The following ZNF682 variants were observed in gnomAD, a reference collection of about 807,000 sequenced individuals.
ZNF682 encodes zinc finger protein 682.
In ZNF682, 29 loss-of-function variants were observed where a neutral mutation model predicts 36.5. The observed-to-expected ratio is 0.80, with a 90% CI of 0.59 to 1.08. The LOEUF is 1.08. Ranked by LOEUF, ZNF682 falls within the 50% of genes least tolerant of loss-of-function variation. ZNF682 has a pLI of 0.00. For synonymous variants in ZNF682, 180 were observed against 197.0 expected, an observed-to-expected ratio of 0.91 and a Z score of 0.72; for missense variants, 561 against 579.7, an observed-to-expected ratio of 0.97 and a Z score of 0.33.
At chr19:20,001,844 C>T (rs567823449), downstream of ZNF682, among the ~76,000 whole-genome samples, 2 of 152,308 alleles carry the variant, frequency 1.3e-5, no homozygotes, top group South Asian at 2.1e-4. Flanking sequence ...AATGAACTCA[C>T]AAGCTTAATT....
chr19:20,020,507 A>T (rs911909551), intron 3 of ZNF682, among the ~76,000 whole-genome samples: 4 of 152,122 alleles, frequency 2.6e-5, no homozygotes, highest in South Asian at 2.1e-4. Context: ...AAAAATAAAT[A>T]AATTAATTAA....
At chr19:20,028,639 C>T (rs1389927270) in intron 1 of ZNF682, among the ~76,000 whole-genome samples, 1 of 152,168 alleles carries the variant, frequency 6.6e-6, no homozygotes, top group Non-Finnish European at 1.5e-5. Flanking sequence ...TCCCTTATAC[C>T]TACACTCTTC....
chr19:20,033,217 G>C (rs2088495788), intron 1 of ZNF682, among the ~76,000 whole-genome samples: 1 of 150,628 alleles, frequency 6.6e-6, no homozygotes, highest in South Asian at 2.1e-4. Context: ...AGGTTGCGGT[G>C]AGCCGAGATC....
intron 3 of ZNF682, among the ~76,000 whole-genome samples, chr19:20,010,166 G>T (rs1407893058): frequency 3.3e-5 from 5 of 152,124 alleles, no homozygotes; most frequent in Admixed American, 3.3e-4. Context: ...CACTAGACTG[G>T]CATCACAAGG....
rs55756913 is a variant in ZNF682 at position 20,014,614 on chromosome 19, C to CAA, written c.227-7341_227-7340dup. ...GTGAAACCTCGTCTCTACTAGAATA[C>CAA]AAAAAAAAAAAAAAAATTAGCCAGG... On this transcript the variant is annotated intron_variant, in intron 3 of 3. Transcript: ENST00000397165. Among the ~76,000 whole-genome samples, 197 of 140,290 alleles carry CAA rather than the reference C, an allele frequency of 1.4e-3. No homozygotes were observed. In the Middle Eastern group the frequency reaches 0.015, roughly 10 times the overall value. 92.0% of individuals were successfully genotyped at this position (140,290 alleles called of 152,430 possible).
At chr19:20,017,441 A>G (rs2088344109) in intron 3 of ZNF682, among the ~76,000 whole-genome samples, 1 of 152,186 alleles carries the variant, frequency 6.6e-6, no homozygotes, top group Non-Finnish European at 1.5e-5. Context: ...CTTTAAGTAA[A>G]AAATTGTTAC....
downstream of ZNF682, among the ~76,000 whole-genome samples, chr19:19,999,937 G>A (rs1343822066): frequency 6.6e-6 from 1 of 152,164 alleles, no homozygotes. Flanking sequence ...GGCTGGGGAA[G>A]CCCGAAAATA....
chr19:20,011,543 A>G (rs57599549), intron 3 of ZNF682, among the ~76,000 whole-genome samples: 11,916 of 152,290 alleles, frequency 0.078, 703 homozygotes, highest in East Asian at 0.2. Flanking sequence ...AAGATTGACC[A>G]CATGCTCAGT....
intron 3 of ZNF682, among the ~76,000 whole-genome samples, chr19:20,020,912 G>C (rs2088377632): frequency 6.6e-6 from 1 of 151,894 alleles, no homozygotes; most frequent in African/African-American, 2.4e-5. Context: ...TCTCGAAGTG[G>C]GGAAAATGGG....
chr19:20,003,497 G>A (rs553108569), downstream of ZNF682, among the ~76,000 whole-genome samples: 13 of 151,908 alleles, frequency 8.6e-5, no homozygotes, highest in Admixed American at 2.0e-4. Context: ...AAGGTCAGGA[G>A]ATCGAGACCA....
At chr19:20,002,088 T>C (rs1016901074), downstream of ZNF682, among the ~76,000 whole-genome samples, 1 of 152,050 alleles carries the variant, frequency 6.6e-6, no homozygotes, top group Admixed American at 6.5e-5. Context: ...ATAGTTATTA[T>C]TTCTTTTTTA....
At chr19:20,014,201 G>T (rs1039000547) in intron 3 of ZNF682, among the ~76,000 whole-genome samples, 1 of 152,140 alleles carries the variant, frequency 6.6e-6, no homozygotes, top group Non-Finnish European at 1.5e-5. Context: ...GGTGTTGGAA[G>T]CATCACACTT....
intron 3 of ZNF682, among the ~76,000 whole-genome samples, chr19:20,016,311 C>T (rs758351774): frequency 4.6e-5 from 7 of 152,084 alleles, no homozygotes; most frequent in Non-Finnish European, 2.9e-5. Context: ...AAATATATTC[C>T]TTTAAAGGAA....
chr19:20,028,597 C>T (rs1380474861), intron 1 of ZNF682, among the ~76,000 whole-genome samples: 1 of 152,158 alleles, frequency 6.6e-6, no homozygotes, highest in African/African-American at 2.4e-5. Context: ...CTTATAACAG[C>T]ACTCAACTAG....
chr19:20,018,038 T>C (rs180878822), intron 3 of ZNF682, among the ~76,000 whole-genome samples: 1,922 of 145,668 alleles, frequency 0.013, 19 homozygotes, highest in South Asian at 0.032. Context: ...GTAGTTTTTA[T>C]TTTTTTTTTT....
intron 1 of ZNF682, among the ~76,000 whole-genome samples, chr19:20,034,628 C>T (rs560154884): frequency 1.7e-3 from 262 of 151,532 alleles, no homozygotes; most frequent in Middle Eastern, 3.4e-3. Context: ...AAAAAATTAG[C>T]CGGGCTTGGT....
At chr19:20,011,056 G>A (rs540359369) in intron 3 of ZNF682, among the ~76,000 whole-genome samples, 4 of 151,654 alleles carry the variant, frequency 2.6e-5, no homozygotes, top group African/African-American at 9.7e-5. Flanking sequence ...TGCTGACTTC[G>A]AGAAACTCAC....
At chr19:20,004,014 A>AT (rs574020449), downstream of ZNF682, among the ~76,000 whole-genome samples, 31 of 152,306 alleles carry the variant, frequency 2.0e-4, no homozygotes, top group African/African-American at 7.2e-4. Flanking sequence ...AGAGTAACAT[A>AT]TTTGTATATT....
rs149665344 is a variant in ZNF682 at position 20,008,667 on chromosome 19, G to C, written c.227-1392C>G. Among the ~76,000 whole-genome samples, 5 of 152,238 alleles carry C rather than the reference G, an allele frequency of 3.3e-5. No individual in the cohort carries two copies. The East Asian group carries it at 9.7e-4, about 29-fold the overall frequency. On this transcript the variant is annotated intron_variant, in intron 3 of 3. Transcript: ENST00000397165. Reference sequence around the variant, plus strand: ...AAAGTGTGAACTGTCCCTAAGGAAGGGTAAGCACAGACCACCAAAGCCCTC... The same window carrying C: ...AAAGTGTGAACTGTCCCTAAGGAAGCGTAAGCACAGACCACCAAAGCCCTC...
Sources: allele counts gnomAD v4.1 joint callset (sites outside exome capture counted in the v4.1 genomes callset), GRCh38; gene constraint gnomAD v4.1.1; transcripts MANE v1.5; gene names NCBI Gene and HGNC (gene_info 2026-07-23, HGNC 2026-07-21).